Variants in DPP6 observed in about 807,000 individuals in gnomAD.
The protein encoded by DPP6 is dipeptidyl peptidase like 6, also known as A-type potassium channel modulatory protein DPP6.
In DPP6, 69 loss-of-function variants were observed where a neutral mutation model predicts 122.6. That is an observed-to-expected ratio of 0.56 (90% confidence interval 0.46 to 0.69). The LOEUF (loss-of-function observed/expected upper bound fraction) is 0.69, where lower values mean the gene tolerates loss of function less well. Among genes scored for constraint, DPP6 ranks in the 30% least tolerant of loss-of-function variants. DPP6 has a pLI of 0.00. For synonymous variants in DPP6, 418 were observed against 433.1 expected, an observed-to-expected ratio of 0.97 and a Z score of 0.43; for missense variants, 928 against 1,116.9, an observed-to-expected ratio of 0.83 and a Z score of 2.41.
intron 1 of DPP6, among the ~76,000 whole-genome samples, chr7:154,203,377 G>T (rs1366589301): frequency 6.6e-6 from 1 of 152,150 alleles, no homozygotes; most frequent in Non-Finnish European, 1.5e-5. Flanking sequence ...CACAGGCAGA[G>T]CCACCACCCA....
chr7:154,325,196 A>C (rs1585943960), intron 1 of DPP6, among the ~76,000 whole-genome samples: 1 of 152,122 alleles, frequency 6.6e-6, no homozygotes, highest in African/African-American at 2.4e-5. Flanking sequence ...AGGAAATGAA[A>C]GCTTAGTGAG....
At chr7:153,822,943 A>G in the DPP6 span, among the ~76,000 whole-genome samples, 10,705 of 152,300 alleles carry the variant, frequency 0.07, 392 homozygotes, top group Non-Finnish European at 0.083. Context: ...AACAGTACTG[A>G]GTTAAAATAT....
At chr7:154,302,322 C>T (rs1008404514) in intron 1 of DPP6, among the ~76,000 whole-genome samples, 3 of 152,200 alleles carry the variant, frequency 2.0e-5, no homozygotes. Flanking sequence ...GGCATCTTTC[C>T]TCCAGGTTCA....
chr7:154,569,597 C>T (rs1452181807), intron 5 of DPP6, among the ~76,000 whole-genome samples: 3 of 151,848 alleles, frequency 2.0e-5, no homozygotes, highest in Non-Finnish European at 4.4e-5. Context: ...TGAACCAACT[C>T]AACTTTTCAT....
At chr7:154,892,128 G>T (rs142619721) in intron 25 of DPP6, among the ~76,000 whole-genome samples, 56 of 152,266 alleles carry the variant, frequency 3.7e-4, no homozygotes, top group African/African-American at 1.3e-3. Context: ...TAGGGGAGGC[G>T]CCCCTCTGAC....
chr7:153,812,626 C>A, the DPP6 span, among the ~76,000 whole-genome samples: 1 of 152,084 alleles, frequency 6.6e-6, no homozygotes, highest in African/African-American at 2.4e-5. Context: ...CAAAGCTCTA[C>A]GACTTCCTGT....
rs182448449 is a variant in DPP6 at position 154,821,663 on chromosome 7, T to C, written c.1666+14551T>C. ...ATATATATACACATATATATATATA[T>C]ACACATATATATATACACACACATA... On this transcript the variant is annotated intron_variant, in intron 16 of 25. Coordinates refer to ENST00000377770, the MANE Select transcript of DPP6 (RefSeq NM_130797.4). This position sits in a 1 kb window ranked among gnomAD's most constrained non-coding sequence, Gnocchi z 4.2. Among the ~76,000 whole-genome samples, 2,390 of 110,612 alleles carry C rather than the reference T, an allele frequency of 0.022. 67 individuals are homozygous for C. The highest frequency in any genetic ancestry group is 0.096 in the African/African-American group (2,251 of 23,504). The allele number at this position is 110,612 out of a possible 152,430, so 72.6% of individuals were successfully genotyped here. A position where few individuals can be genotyped will look rare whatever the true frequency, so the allele number is the denominator to read the frequency against.
chr7:154,307,251 A>G (rs867768124), intron 1 of DPP6, among the ~76,000 whole-genome samples: 27 of 152,322 alleles, frequency 1.8e-4, no homozygotes, highest in Middle Eastern at 6.8e-3. Context: ...TGGAGGACCT[A>G]TGAGCTCTTG....
intron 8 of DPP6, among the ~76,000 whole-genome samples, chr7:154,732,325 G>A (rs555557934): frequency 4.6e-5 from 7 of 152,174 alleles, no homozygotes; most frequent in African/African-American, 1.7e-4. Context: ...AGAATTTTTG[G>A]CCAATAATTT....
At chr7:153,837,666 T>C in the DPP6 span, among the ~76,000 whole-genome samples, 1 of 151,936 alleles carries the variant, frequency 6.6e-6, no homozygotes, top group Non-Finnish European at 1.5e-5. Context: ...AATGCCCTTT[T>C]CCAGATCTTT....
chr7:154,730,750 C>G (rs563714045), intron 8 of DPP6, among the ~76,000 whole-genome samples: 116 of 152,220 alleles, frequency 7.6e-4, no homozygotes, highest in Admixed American at 1.5e-3. Context: ...GAGAAAGGGC[C>G]CCTAGAATTT....
chr7:154,336,776 G>A (rs1364239927), intron 1 of DPP6, among the ~76,000 whole-genome samples: 1 of 152,158 alleles, frequency 6.6e-6, no homozygotes, highest in African/African-American at 2.4e-5. Flanking sequence ...ACAGATGCGG[G>A]AAGTGGTCGG....
At chr7:154,843,003 C>A (rs562244860) in intron 16 of DPP6, among the ~76,000 whole-genome samples, 1 of 152,332 alleles carries the variant, frequency 6.6e-6, no homozygotes, top group South Asian at 2.1e-4. Flanking sequence ...TGCATATGTT[C>A]ACGTGAATTT....
At chr7:154,358,068 T>G (rs1811423023) in intron 1 of DPP6, among the ~76,000 whole-genome samples, 3 of 152,210 alleles carry the variant, frequency 2.0e-5, no homozygotes. Context: ...CAGAGTAGAT[T>G]GTGGACCTTG....
intron 1 of DPP6, among the ~76,000 whole-genome samples, chr7:154,061,151 A>G (rs1486429669): frequency 2.0e-5 from 3 of 148,478 alleles, no homozygotes; most frequent in Admixed American, 1.3e-4. Flanking sequence ...GAGAATTCTT[A>G]GGAGCTGTGG....
At chr7:154,197,121 A>G (rs565198531) in intron 1 of DPP6, among the ~76,000 whole-genome samples, 1 of 151,976 alleles carries the variant, frequency 6.6e-6, no homozygotes, top group South Asian at 2.1e-4. Context: ...GTATAATTAG[A>G]TGGTGTATAT....
intron 10 of DPP6, among the ~76,000 whole-genome samples, chr7:154,790,971 G>T (rs1390746425): frequency 6.6e-6 from 1 of 152,168 alleles, no homozygotes; most frequent in Admixed American, 6.5e-5. Flanking sequence ...CATACTTGAG[G>T]CTGGGCACGG....
intron 1 of DPP6, among the ~76,000 whole-genome samples, chr7:154,003,680 T>C (rs2129046588): frequency 6.6e-6 from 1 of 152,078 alleles, no homozygotes; most frequent in African/African-American, 2.4e-5. Context: ...TGTGCCTCAC[T>C]GTGTGTCAGC....
In DPP6 at chr7:154,180,620, T is replaced by G. The variant is rs1286554945; in HGVS notation, c.243+127557T>G. On this transcript the variant is annotated intron_variant, in intron 1 of 25. Transcript: ENST00000377770. ...TTTTTAAGATTTCAAAAGCCTTCCC[T>G]TAAACACTTAGATCCATGAATATCC... Among the ~76,000 whole-genome samples the G allele has an allele frequency of 2.0e-4, 30 of 151,132 alleles. No homozygotes were observed. The Admixed American group carries it at 2.0e-3, about 10-fold the overall frequency.
Sources: allele counts gnomAD v4.1 joint callset (sites outside exome capture counted in the v4.1 genomes callset), GRCh38; gene constraint gnomAD v4.1.1; non-coding constraint Gnocchi (gnomAD v3.1); transcripts MANE v1.5; gene names NCBI Gene and HGNC (gene_info 2026-07-23, HGNC 2026-07-21).